Variants in BICD2 observed in about 807,000 individuals in gnomAD.
BICD2 encodes BICD cargo adaptor 2, also known as protein bicaudal D homolog 2.
Under a neutral mutation model 72.9 loss-of-function variants are expected in BICD2, and 25 were observed. That is an observed-to-expected ratio of 0.34 (90% CI 0.25 to 0.48). The LOEUF (loss-of-function observed/expected upper bound fraction) is 0.48. BICD2 is among the 20% of genes least tolerant of loss of function. BICD2 has a pLI of 0.99. For missense variants in BICD2, 894 were observed against 1,175.2 expected (o/e 0.76, Z 3.50); for synonymous variants, 501 against 516.1 (o/e 0.97, Z 0.40).
At chr9:92,751,433 T>C (rs1395041215) in intron 1 of BICD2, among the ~76,000 whole-genome samples, 1 of 152,134 alleles carries the variant, frequency 6.6e-6, no homozygotes, top group Admixed American at 6.6e-5. Context: ...TGTGAGCCAC[T>C]GAGCCCAGCC....
chr9:92,717,062 C>T (rs1853330975), intron 6 of BICD2, among the ~76,000 whole-genome samples: 1 of 152,242 alleles, frequency 6.6e-6, no homozygotes, highest in South Asian at 2.1e-4. Flanking sequence ...CTGCTCCAGC[C>T]AGGAGGATAA....
At chr9:92,732,278 T>G (rs1456794812) in intron 1 of BICD2, among the ~76,000 whole-genome samples, 1 of 151,660 alleles carries the variant, frequency 6.6e-6, no homozygotes, top group African/African-American at 2.4e-5. Context: ...AAAAAAAGGC[T>G]AAAAGACAAA....
intron 1 of BICD2, among the ~76,000 whole-genome samples, chr9:92,753,461 A>C (rs1361756690): frequency 1.3e-5 from 2 of 152,156 alleles, no homozygotes; most frequent in African/African-American, 4.8e-5. Flanking sequence ...TATTTTTCAA[A>C]TTTTTCTATA....
chr9:92,758,249 T>C (rs1418882980), intron 1 of BICD2, among the ~76,000 whole-genome samples: 2 of 149,042 alleles, frequency 1.3e-5, no homozygotes, highest in African/African-American at 4.9e-5. Context: ...AATAAATAAA[T>C]AAGTAAATAA....
Position 92,720,195 on chromosome 9 carries a change from GA to G in BICD2, c.1062+104del. ...ATGCAGGAGATAAAATCAACGTAAG[GA>G]AAAGGGAAAGTTAACATCAGCAGAG... On this transcript the variant is annotated intron_variant, in intron 4 of 6. Transcript: ENST00000356884. The surrounding 1 kb of genome is among the most constrained non-coding windows in gnomAD (Gnocchi z 5.4). 1 of 1,162,212 alleles carries G rather than the reference GA, an allele frequency of 8.6e-7. No individual in the cohort carries two copies. Among genetic ancestry groups the G allele is most frequent in the Non-Finnish European group, 1.2e-6 (1 of 843,306 alleles). 72.0% of individuals were successfully genotyped at this position (1,162,212 alleles called of 1,614,324 possible). A position where few individuals can be genotyped will look rare whatever the true frequency, so the allele number is the denominator to read the frequency against.
At chr9:92,719,818 C>T (rs868802538) in intron 4 of BICD2, among the ~76,000 whole-genome samples, 10 of 152,234 alleles carry the variant, frequency 6.6e-5, no homozygotes, top group East Asian at 1.9e-4. Context: ...TCACCCTCAA[C>T]GCAGGCTCTT....
At chr9:92,733,574 A>G (rs934247540) in intron 1 of BICD2, among the ~76,000 whole-genome samples, 2 of 152,170 alleles carry the variant, frequency 1.3e-5, no homozygotes. Flanking sequence ...GTAGATACAT[A>G]TATGCAAAAT....
chr9:92,755,554 C>A (rs1400831710), intron 1 of BICD2, among the ~76,000 whole-genome samples: 1 of 152,220 alleles, frequency 6.6e-6, no homozygotes, highest in African/African-American at 2.4e-5. Context: ...TTTAAAATTT[C>A]TCTCTTTTGT....
chr9:92,727,553 A>C (rs1853591560), intron 2 of BICD2, among the ~76,000 whole-genome samples: 1 of 152,152 alleles, frequency 6.6e-6, no homozygotes, highest in African/African-American at 2.4e-5. Flanking sequence ...AGCCATTCCC[A>C]ATGAGAACCT....
rs77530912 is a variant in BICD2 at position 92,720,318 on chromosome 9, C to T, written c.1044G>A (p.Leu348=). The change falls in exon 4 of 7, where the codon CTG becomes CTA. Residue 348 remains leucine (L), a synonymous_variant. Coordinates refer to ENST00000356884, the MANE Select transcript of BICD2 (RefSeq NM_001003800.2). This position sits in a 1 kb window ranked among gnomAD's most constrained non-coding sequence, Gnocchi z 5.4. ...TGCTCACCTGCATCAGCTGCTGCTT[C>T]AGCTTCTGGATCTCAGAGATGTTGA... The part of the protein sequence containing the change: ...SELNISEIQK[L]KQQLMQMERE... 9.2e-4 allele frequency: 1,477 copies of T among 1,610,772 alleles called. 53 individuals carry two copies. The East Asian group carries it at 0.033, about 36-fold the overall frequency.
chr9:92,746,486 C>T (rs1344637835), intron 1 of BICD2, among the ~76,000 whole-genome samples: 1 of 149,514 alleles, frequency 6.7e-6, no homozygotes, highest in African/African-American at 2.5e-5. Context: ...GAGCCAAGAT[C>T]ACACCACTGC....
rs199864948 is a variant in BICD2 at position 92,742,701 on chromosome 9, A to ACC, written c.241-13467_241-13466dup. On this transcript the variant is annotated intron_variant, in intron 1 of 6. Transcript: ENST00000356884. ...CCCGGCCTAATTCCACATTTCTATC[A>ACC]CCCCCCCCAAAGAAACTCTGTCCCC... Among the ~76,000 whole-genome samples, 270 of 145,396 alleles carry ACC rather than the reference A, an allele frequency of 1.9e-3. 2 individuals are homozygous for ACC. The highest frequency in any genetic ancestry group is 6.5e-3 in the African/African-American group (256 of 39,208).
chr9:92,755,336 C>G (rs919740609), intron 1 of BICD2, among the ~76,000 whole-genome samples: 1 of 152,198 alleles, frequency 6.6e-6, no homozygotes, highest in East Asian at 1.9e-4. Context: ...TTTAATTTCG[C>G]CTCGGTCCTG....
chr9:92,733,061 A>G (rs934444583), intron 1 of BICD2, among the ~76,000 whole-genome samples: 1 of 152,228 alleles, frequency 6.6e-6, no homozygotes, highest in Non-Finnish European at 1.5e-5. Flanking sequence ...TTGAAAGGGA[A>G]TAACAACGTG....
chr9:92,754,147 A>T, intron 1 of BICD2, among the ~76,000 whole-genome samples: 1 of 82,966 alleles, frequency 1.2e-5, no homozygotes, highest in Non-Finnish European at 2.8e-5. Flanking sequence ...TACATCTCAA[A>T]AAAAAAAAAA....
chr9:92,713,215 C>G lies in BICD2; in HGVS notation c.*1939G>C, dbSNP rs1853227357. 1 of 537,986 alleles carries G rather than the reference C, an allele frequency of 1.9e-6. No individual in the cohort carries two copies. The highest frequency in any genetic ancestry group is 1.9e-5 in the African/African-American group (1 of 52,668). 33.3% of individuals were successfully genotyped at this position (537,986 alleles called of 1,614,324 possible). ...AGCCTGGCAGCCAGGGAAGAAGGGT[C>G]TTCGGCCCATACAGAGGCCTTTCCA... On this transcript the variant is annotated 3_prime_UTR_variant, in exon 7 of 7. Transcript: ENST00000356884.
chr9:92,713,878 C>T lies in BICD2; in HGVS notation c.*1276G>A. On this transcript the variant is annotated 3_prime_UTR_variant, in exon 7 of 7. Transcript: ENST00000356884. ...TGGGAGGGGGCAACACGGTCTCTCA[C>T]CAGGTAACTCGAATGCCTCTTCCGC... 9.9e-7 allele frequency: 1 copy of T among 1,010,618 alleles called. No homozygotes were observed. Among genetic ancestry groups the T allele is most frequent in the Non-Finnish European group, 1.2e-6 (1 of 845,052 alleles). The allele number at this position is 1,010,618 out of a possible 1,614,324, so 62.6% of individuals were successfully genotyped here.
chr9:92,733,066 A>C (rs1853706804), intron 1 of BICD2, among the ~76,000 whole-genome samples: 2 of 152,238 alleles, frequency 1.3e-5, no homozygotes, highest in Non-Finnish European at 2.9e-5. Flanking sequence ...AGGGAATAAC[A>C]ACGTGAGAGA....
intron 4 of BICD2, 67 bp from the exon 5 acceptor site, chr9:92,719,649 C>G: frequency 6.8e-7 from 1 of 1,468,836 alleles, no homozygotes; most frequent in Non-Finnish European, 9.0e-7. Flanking sequence ...GGAGGACCCC[C>G]AAGATGGCCT....
Sources: gnomAD v4.1 joint callset for allele counts (sites outside exome capture counted in the v4.1 genomes callset) on GRCh38, gnomAD v4.1.1 for gene constraint, Gnocchi (gnomAD v3.1) non-coding constraint, MANE v1.5 for transcripts, NCBI Gene and HGNC (gene_info 2026-07-23, HGNC 2026-07-21) for gene names.